The following DAPP1 variants were observed in gnomAD, a reference collection of about 807,000 sequenced individuals.
DAPP1 encodes the protein dual adapter for phosphotyrosine and 3-phosphotyrosine and 3-phosphoinositide.
Under a neutral mutation model 41.5 loss-of-function variants are expected in DAPP1, and 20 were observed. The observed-to-expected ratio is 0.48, with a 90% CI of 0.34 to 0.70. The LOEUF is 0.70. Ranked by LOEUF, DAPP1 falls within the 30% of genes least tolerant of loss-of-function variation. DAPP1 has a pLI of 0.01. For missense variants in DAPP1, 233 were observed against 333.4 expected (o/e 0.70, Z 2.35); for synonymous variants, 113 against 116.2 (o/e 0.97, Z 0.18).
intron 1 of DAPP1, among the ~76,000 whole-genome samples, chr4:99,829,349 G>A (rs1281818156): frequency 1.3e-5 from 2 of 152,046 alleles, no homozygotes; most frequent in African/African-American, 4.8e-5. Flanking sequence ...GTGTGGTGGT[G>A]CACACCTGTA....
chr4:99,871,024 C>A (rs893346143), downstream of DAPP1, among the ~76,000 whole-genome samples: 47 of 152,266 alleles, frequency 3.1e-4, no homozygotes, highest in Non-Finnish European at 6.0e-4. Context: ...GAAACCTTCC[C>A]CCTATGCCAG....
intron 8 of DAPP1, 146 bp from the exon 9 acceptor site, chr4:99,867,971 C>A: frequency 8.6e-6 from 6 of 693,854 alleles, no homozygotes; most frequent in South Asian, 2.0e-5. Context: ...TGATAATTAG[C>A]TTATAGTTGG....
At chr4:99,844,803 G>T (rs905595496) in intron 3 of DAPP1, 3 of 152,178 alleles carry the variant, frequency 2.0e-5, no homozygotes, top group Admixed American at 6.5e-5. Context: ...TTGATATGGG[G>T]ATTCCCAATC....
At chr4:99,839,473 G>T (rs1359311373) in intron 2 of DAPP1, among the ~76,000 whole-genome samples, 1 of 151,234 alleles carries the variant, frequency 6.6e-6, no homozygotes, top group Admixed American at 6.6e-5. Context: ...AGTGGAAAAT[G>T]ACAATGTAGG....
Position 99,863,778 on chromosome 4 carries a change from A to G in DAPP1, c.609A>G (p.Glu203=). ...LKYFKDQMSP[E]PIRILDLTEC... Reference sequence around the variant, plus strand: ...CTTTTTATTTTATTTAGTCACCAGAACCAATTCGGATCCTAGACCTAACAG... The same window carrying G: ...CTTTTTATTTTATTTAGTCACCAGAGCCAATTCGGATCCTAGACCTAACAG... The change falls in exon 7 of 9, where the codon GAA becomes GAG. Residue 203 remains glutamate (E), a synonymous_variant. Transcript: ENST00000512369. The G allele has an allele frequency of 6.3e-7, 1 of 1,585,290 alleles. No individual in the cohort carries two copies. The highest frequency in any genetic ancestry group is 8.6e-7 in the Non-Finnish European group (1 of 1,164,846).
intron 8 of DAPP1, among the ~76,000 whole-genome samples, chr4:99,867,391 T>G (rs1408758059): frequency 6.6e-6 from 1 of 152,208 alleles, no homozygotes; most frequent in Non-Finnish European, 1.5e-5. Context: ...TACACATAAA[T>G]ATTTAAAAAC....
At chr4:99,847,471 T>A (rs1448030357) in intron 3 of DAPP1, among the ~76,000 whole-genome samples, 5 of 152,206 alleles carry the variant, frequency 3.3e-5, no homozygotes, top group African/African-American at 9.6e-5. Context: ...TTGGTCCAGC[T>A]CTGATCATCT....
At chr4:99,868,012 G>T in intron 8 of DAPP1, 105 bp from the exon 9 acceptor site, 1 of 997,536 alleles carries the variant, frequency 1.0e-6, no homozygotes, top group Non-Finnish European at 1.6e-6. Context: ...ACTTAGAGTT[G>T]TATGACATCC....
intron 3 of DAPP1, among the ~76,000 whole-genome samples, chr4:99,846,256 A>G (rs148888529): frequency 1.1e-4 from 16 of 152,288 alleles, no homozygotes; most frequent in African/African-American, 3.4e-4. Flanking sequence ...ATGCCCTAGA[A>G]GTTTCCATGG....
chr4:99,871,584 T>G (rs1724629891), downstream of DAPP1, among the ~76,000 whole-genome samples: 1 of 152,232 alleles, frequency 6.6e-6, no homozygotes, highest in Non-Finnish European at 1.5e-5. Context: ...CACTTAAAAC[T>G]GGCATTTCTG....
chr4:99,819,349 C>T (rs764485875), intron 1 of DAPP1, among the ~76,000 whole-genome samples: 1 of 152,142 alleles, frequency 6.6e-6, no homozygotes, highest in Non-Finnish European at 1.5e-5. Context: ...TTGCCTAATT[C>T]CCTGGTATAA....
rs143735437 is a variant in DAPP1, at chr4:99,869,517, C to A, written c.*1332C>A. 6.6e-6 allele frequency: 1 copy of A among 152,082 alleles called. No individual in the cohort carries two copies. The allele number at this position is 152,082 out of a possible 1,614,324, so 9.4% of individuals were successfully genotyped here. ...AAGTTTCTTATTTAAACATCTCAGA[C>A]GCAAAAATTACATTAAATTTTTGTA... On this transcript the variant is annotated 3_prime_UTR_variant, in exon 9 of 9. Transcript: ENST00000512369.
intron 1 of DAPP1, among the ~76,000 whole-genome samples, chr4:99,819,193 A>T (rs1722687658): frequency 6.6e-6 from 1 of 152,212 alleles, no homozygotes; most frequent in Non-Finnish European, 1.5e-5. Context: ...AGAGTGATAC[A>T]ACCATCACCA....
chr4:99,833,359 G>A (rs1459083094), intron 1 of DAPP1, among the ~76,000 whole-genome samples: 2 of 152,154 alleles, frequency 1.3e-5, no homozygotes, highest in East Asian at 1.9e-4. Context: ...TTCTAATATA[G>A]GATGAAAGCA....
intron 1 of DAPP1, among the ~76,000 whole-genome samples, chr4:99,834,028 C>T (rs1723210602): frequency 6.6e-6 from 1 of 152,116 alleles, no homozygotes; most frequent in South Asian, 2.1e-4. Context: ...CAAGGCCATA[C>T]AGCTAGTAAG....
At chr4:99,865,968 A>ATATATAT (rs1560711311) in intron 7 of DAPP1, 66 bp from the exon 8 acceptor site, 12 of 64,888 alleles carry the variant, frequency 1.8e-4, no homozygotes, top group Non-Finnish European at 2.2e-4. Flanking sequence ...TATATATATT[A>ATATATAT]TATATATATA....
At chr4:99,864,442 A>G (rs967778748) in intron 7 of DAPP1, among the ~76,000 whole-genome samples, 1 of 151,868 alleles carries the variant, frequency 6.6e-6, no homozygotes, top group Non-Finnish European at 1.5e-5. Flanking sequence ...TCCTGAACCA[A>G]TTGAAAGTAA....
chr4:99,831,879 C>G (rs1025617721), intron 1 of DAPP1, among the ~76,000 whole-genome samples: 1 of 151,948 alleles, frequency 6.6e-6, no homozygotes, highest in Admixed American at 6.6e-5. Context: ...CATCTTTCCT[C>G]TTCTGAAAAA....
At chr4:99,839,419 GAT>G (rs1406720036) in intron 2 of DAPP1, among the ~76,000 whole-genome samples, 1 of 148,274 alleles carries the variant, frequency 6.7e-6, no homozygotes, top group East Asian at 1.9e-4. Context: ...TATATATATA[GAT>G]ATATATATAT....
Sources: gnomAD v4.1 joint callset for allele counts (sites outside exome capture counted in the v4.1 genomes callset) on GRCh38, gnomAD v4.1.1 for gene constraint, MANE v1.5 for transcripts, NCBI Gene and HGNC (gene_info 2026-07-23, HGNC 2026-07-21) for gene names.